SORCS2: variants seen among roughly 807,000 people sequenced by gnomAD.
SORCS2 encodes VPS10 domain-containing receptor SorCS2.
A neutral mutation model predicts 141.6 loss-of-function variants in SORCS2; 100 were observed. The observed-to-expected ratio is 0.71, with a 90% CI of 0.60 to 0.83. SORCS2 has a LOEUF of 0.83. Among genes scored for constraint, SORCS2 ranks in the 40% least tolerant of loss-of-function variants. The probability of loss-of-function intolerance (pLI) is 0.00; values close to 1 mark genes in which losing one functional copy is unlikely to be tolerated. For synonymous variants in SORCS2, 789 were observed against 676.9 expected, an observed-to-expected ratio of 1.17 and a Z score of -2.57; for missense variants, 1,646 against 1,560.2, an observed-to-expected ratio of 1.05 and a Z score of -0.93.
chr4:7,200,847 C>T (rs1432548115), intron 1 of SORCS2, among the ~76,000 whole-genome samples: 1 of 152,206 alleles, frequency 6.6e-6, no homozygotes, highest in Non-Finnish European at 1.5e-5. Flanking sequence ...CCAGCAGAGC[C>T]ACCAATGTCC....
intron 1 of SORCS2, among the ~76,000 whole-genome samples, chr4:7,334,700 C>T (rs1412351986): frequency 6.6e-6 from 1 of 152,146 alleles, no homozygotes; most frequent in African/African-American, 2.4e-5. Flanking sequence ...CCTGTGGTCA[C>T]CGACCAACCC....
intron 15 of SORCS2, among the ~76,000 whole-genome samples, 194 bp downstream of exon 15, chr4:7,713,047 C>G (rs1192288428): frequency 6.6e-6 from 1 of 152,104 alleles, no homozygotes; most frequent in Non-Finnish European, 1.5e-5. Context: ...GGTCATGGAG[C>G]TACCTGGGCT....
At chr4:7,249,184 C>G (rs1713317704) in intron 1 of SORCS2, among the ~76,000 whole-genome samples, 1 of 152,118 alleles carries the variant, frequency 6.6e-6, no homozygotes, top group Non-Finnish European at 1.5e-5. Flanking sequence ...GACTGGAGTC[C>G]TTTGAGGCTC....
At chr4:7,383,564 T>A (rs1295230188) in intron 1 of SORCS2, among the ~76,000 whole-genome samples, 1 of 152,102 alleles carries the variant, frequency 6.6e-6, no homozygotes, top group East Asian at 1.9e-4. Context: ...AAAAACAGGA[T>A]CAGCAATTTC....
intron 18 of SORCS2, among the ~76,000 whole-genome samples, chr4:7,719,433 C>G (rs868201163): frequency 2.0e-5 from 3 of 149,228 alleles, no homozygotes; most frequent in Non-Finnish European, 4.4e-5. Flanking sequence ...AGAGAAGTCA[C>G]TCTCCCAAGG....
At chr4:7,226,695 G>A (rs1729010725) in intron 1 of SORCS2, among the ~76,000 whole-genome samples, 1 of 152,140 alleles carries the variant, frequency 6.6e-6, no homozygotes, top group Non-Finnish European at 1.5e-5. Context: ...AGGTTAAGAT[G>A]CAGTGGCCCT....
At chr4:7,416,750 G>C (rs974242704) in intron 2 of SORCS2, among the ~76,000 whole-genome samples, 1 of 150,734 alleles carries the variant, frequency 6.6e-6, no homozygotes, top group Non-Finnish European at 1.5e-5. Context: ...ACACACACTT[G>C]TGCGCACACA....
rs539947542 is a variant in SORCS2, at chr4:7,740,720, C to T, written c.*456C>T. 70 of 296,834 alleles carry T rather than the reference C, an allele frequency of 2.4e-4. No homozygotes were observed. Among genetic ancestry groups the T allele is most frequent in the Non-Finnish European group, 3.8e-4 (61 of 160,286 alleles). 18.4% of individuals were successfully genotyped at this position (296,834 alleles called of 1,614,324 possible). A position where few individuals can be genotyped will look rare whatever the true frequency, so the allele number is the denominator to read the frequency against. On this transcript the variant is annotated 3_prime_UTR_variant, in exon 27 of 27. Coordinates refer to ENST00000507866, the MANE Select transcript of SORCS2 (RefSeq NM_020777.3). ...CTTTGCTTCTTCACTCCCACCTGTGCGGCCACCCAGTCCCTCTGTGGGAGC... is the reference window on the plus strand; with the variant it reads ...CTTTGCTTCTTCACTCCCACCTGTGTGGCCACCCAGTCCCTCTGTGGGAGC...
At chr4:7,598,199 C>T (rs4689794) in intron 3 of SORCS2, among the ~76,000 whole-genome samples, 1 of 152,058 alleles carries the variant, frequency 6.6e-6, no homozygotes, top group Admixed American at 6.5e-5. Context: ...GAACTCCTGA[C>T]CTCGTGATCT....
At chr4:7,704,037 TA>T (rs1725253647) in intron 13 of SORCS2, 139 bp from the exon 14 acceptor site, 1 of 700,356 alleles carries the variant, frequency 1.4e-6, no homozygotes, top group African/African-American at 1.8e-5. Flanking sequence ...AGATGTGACA[TA>T]AGCAGATGTG....
intron 2 of SORCS2, among the ~76,000 whole-genome samples, chr4:7,399,651 G>A (rs1324810465): frequency 1.3e-5 from 2 of 152,164 alleles, no homozygotes; most frequent in African/African-American, 4.8e-5. Context: ...GCCCCTGGTT[G>A]GCATCAGGGT....
At chr4:7,608,033 C>G (rs577228276) in intron 3 of SORCS2, among the ~76,000 whole-genome samples, 41 of 152,214 alleles carry the variant, frequency 2.7e-4, no homozygotes, top group African/African-American at 9.6e-4. Context: ...CCATGCCCTG[C>G]CAGGGCATGG....
intron 14 of SORCS2, among the ~76,000 whole-genome samples, chr4:7,711,359 G>A (rs375597833): frequency 3.3e-5 from 5 of 152,304 alleles, no homozygotes; most frequent in Admixed American, 2.0e-4. Flanking sequence ...CACCTCCCTA[G>A]AATGGGGTTG....
intron 2 of SORCS2, among the ~76,000 whole-genome samples, chr4:7,484,284 C>T (rs968502094): frequency 2.0e-5 from 3 of 152,246 alleles, no homozygotes; most frequent in Admixed American, 6.5e-5. Flanking sequence ...ACATCTCTGT[C>T]TTCCCACAAA....
intron 10 of SORCS2, among the ~76,000 whole-genome samples, chr4:7,688,718 T>G (rs2108982065): frequency 6.6e-6 from 1 of 152,024 alleles, no homozygotes; most frequent in Middle Eastern, 3.4e-3. Context: ...CTTGGGGAAA[T>G]TAGGAAGGCT....
At chr4:7,222,365 GTCAAAGAAGC>G (rs1418727841) in intron 1 of SORCS2, among the ~76,000 whole-genome samples, 1 of 152,220 alleles carries the variant, frequency 6.6e-6, no homozygotes, top group Non-Finnish European at 1.5e-5. Context: ...AGGACACTCA[GTCAAAGAAGC>G]CAGCCACGAA....
At chr4:7,328,018 C>CTTTTTTTTTTTTTT (rs60976971) in intron 1 of SORCS2, among the ~76,000 whole-genome samples, 4 of 88,696 alleles carry the variant, frequency 4.5e-5, no homozygotes, top group African/African-American at 1.7e-4. Flanking sequence ...TCGTGCTAGG[C>CTTTTTTTTTTTTTT]TTTTTTTTTT....
At chr4:7,609,997 A>C (rs1216941078) in intron 3 of SORCS2, among the ~76,000 whole-genome samples, 1 of 152,160 alleles carries the variant, frequency 6.6e-6, no homozygotes, top group East Asian at 1.9e-4. Flanking sequence ...GTCTGACCGT[A>C]ATCATCCACA....
chr4:7,483,638 C>A (rs143818544), intron 2 of SORCS2, among the ~76,000 whole-genome samples: 1 of 152,048 alleles, frequency 6.6e-6, no homozygotes, highest in Non-Finnish European at 1.5e-5. Flanking sequence ...GGGTCCCAGG[C>A]CAGCAATGCC....
Sources: allele counts gnomAD v4.1 joint callset (sites outside exome capture counted in the v4.1 genomes callset), GRCh38; gene constraint gnomAD v4.1.1; transcripts MANE v1.5; gene names NCBI Gene and HGNC (gene_info 2026-07-23, HGNC 2026-07-21).